Variants in ELFN2 observed in about 807,000 individuals in gnomAD.
ELFN2 encodes the protein protein phosphatase 1 regulatory subunit 29.
In ELFN2, 17 loss-of-function variants were observed where a neutral mutation model predicts 45.5. The ratio of observed to expected loss-of-function variants is 0.37; its 90% CI spans 0.26 to 0.56. The LOEUF (loss-of-function observed/expected upper bound fraction) is 0.56, where lower values mean the gene tolerates loss of function less well. ELFN2 is among the 20% of genes least tolerant of loss of function. The pLI is 0.77. For missense variants in ELFN2, 922 were observed against 1,183.2 expected (o/e 0.78, Z 3.24); for synonymous variants, 550 against 551.5 (o/e 1.00, Z 0.04).
At chr22:37,380,185 G>A (rs1469021646) in intron 2 of ELFN2, among the ~76,000 whole-genome samples, 1 of 152,222 alleles carries the variant, frequency 6.6e-6, no homozygotes, top group South Asian at 2.1e-4. Flanking sequence ...GCGTGTGGGA[G>A]GGGTTGAGGG....
At chr22:37,413,362 C>T (rs1176396313) in intron 2 of ELFN2, among the ~76,000 whole-genome samples, 2 of 151,786 alleles carry the variant, frequency 1.3e-5, no homozygotes, top group Admixed American at 6.6e-5. Context: ...CTCCCAAGAC[C>T]CCACAGCCAG....
Position 37,368,678 on chromosome 22 carries a change from C to A in ELFN2, c.*4394G>T, listed in dbSNP as rs1931270012. ...GGCCAGCCAGGCAAGGCTGCCCTAA[C>A]CTTCACACTGGCTTCCACGGGCAAA... On this transcript the variant is annotated 3_prime_UTR_variant, in exon 3 of 3. Coordinates refer to ENST00000402918, the MANE Select transcript of ELFN2 (RefSeq NM_052906.5). The A allele has an allele frequency of 6.6e-6, 1 of 152,360 alleles. No individual in the cohort carries two copies. Among genetic ancestry groups the A allele is most frequent in the African/African-American group, 2.4e-5 (1 of 41,472 alleles). The allele number at this position is 152,360 out of a possible 1,614,324, so 9.4% of individuals were successfully genotyped here. A position where few individuals can be genotyped will look rare whatever the true frequency, so the allele number is the denominator to read the frequency against.
chr22:37,424,377 T>C (rs9622621), intron 1 of ELFN2, among the ~76,000 whole-genome samples: 5,659 of 152,234 alleles, frequency 0.037, 181 homozygotes, highest in African/African-American at 0.077. Flanking sequence ...TCAGGGGATA[T>C]TGAGGAACAG....
Position 37,374,980 on chromosome 22 carries a change from G to A in ELFN2, c.555C>T (p.Asn185=). ...ASLMVCELAG[N]PFNCECDLFG... is the part of the protein sequence containing the mutation. ...AGAGGTCGCACTCACAGTTGAAGGG[G>A]TTGCCGGCCAGCTCACACACCATCA... The change falls in exon 3 of 3, where the codon AAC becomes AAT. Residue 185 remains asparagine, a synonymous_variant. Coordinates refer to ENST00000402918, the MANE Select transcript of ELFN2 (RefSeq NM_052906.5). 1 of 1,613,396 alleles carries A rather than the reference G, an allele frequency of 6.2e-7. No individual in the cohort carries two copies. Among genetic ancestry groups the A allele is most frequent in the Non-Finnish European group, 8.5e-7 (1 of 1,180,024 alleles).
chr22:37,424,733 C>T (rs2145695480), intron 1 of ELFN2, among the ~76,000 whole-genome samples: 1 of 152,244 alleles, frequency 6.6e-6, no homozygotes, highest in East Asian at 1.9e-4. Context: ...TTCCAGAACT[C>T]AGTTTACTCA....
At chr22:37,344,770 G>A (rs970046360) in intron 1 of ELFN2, among the ~76,000 whole-genome samples, 2 of 152,116 alleles carry the variant, frequency 1.3e-5, no homozygotes, top group African/African-American at 4.8e-5. Flanking sequence ...TCCTGTCCTG[G>A]CACCACCATG....
chr22:37,405,806 AG>A (rs1932484424), intron 2 of ELFN2, among the ~76,000 whole-genome samples: 1 of 147,024 alleles, frequency 6.8e-6, no homozygotes, highest in Non-Finnish European at 1.5e-5. Flanking sequence ...TCTGAGCCCC[AG>A]GTTCCTCCCT....
chr22:37,373,988 C>G lies in ELFN2; in HGVS notation c.1547G>C (p.Arg516Pro), dbSNP rs746549719. The G allele has an allele frequency of 1.9e-6, 3 of 1,612,992 alleles. No homozygotes were observed. Among genetic ancestry groups the G allele is most frequent in the South Asian group, 1.1e-5 (1 of 91,076 alleles). The change falls in exon 3 of 3, where the codon CGG becomes CCG. Residue 516 changes from arginine to proline, a missense_variant. Arg to Pro is a moderately radical substitution (Grantham distance 103). Transcript: ENST00000402918. ...GAGGTCCGGGAGGTCATCCTCGGGC[C>G]GAGCCAGACCGTCCCCGCCGGCGCC... is the stretch of plus-strand genomic sequence containing the variant. ...RTGAGGDGLARPEDDLPDLEN... is the reference protein window; with the variant it reads ...RTGAGGDGLAPPEDDLPDLEN...
Position 37,351,430 on chromosome 22 carries a change from C to T in ELFN2, n.149-8727G>A, listed in dbSNP as rs1289078497. ...CCTAGCCCTGCCCTTCTCCACCTCC[C>T]TCACCTCTCCTCGAGTGACAGGTGC... On this transcript the variant is annotated intron_variant and non_coding_transcript_variant, in intron 1 of 2. Transcript: ENST00000452946. Among the ~76,000 whole-genome samples, 3 of 150,274 alleles carry T rather than the reference C, an allele frequency of 2.0e-5. No homozygotes were observed. In the East Asian group the frequency reaches 5.8e-4, roughly 29 times the overall value.
In ELFN2 at chr22:37,388,977, C is replaced by T. The variant is rs111501686; in HGVS notation, c.-462-12981G>A. On this transcript the variant is annotated intron_variant, in intron 2 of 2. Transcript: ENST00000402918. ...TGGGAGAGGTCACAGAGAATAGGAA[C>T]TCTTTCAGGGGGAGGTAGTGGGAGA... 3.2e-3 allele frequency among the ~76,000 whole-genome samples: 492 copies of T among 152,334 alleles called. 1 individual carries two copies. The highest frequency in any genetic ancestry group is 4.7e-3 in the Non-Finnish European group (322 of 68,026).
At chr22:37,416,811 C>T (rs1394083999) in intron 2 of ELFN2, among the ~76,000 whole-genome samples, 4 of 152,164 alleles carry the variant, frequency 2.6e-5, no homozygotes, top group African/African-American at 9.7e-5. Context: ...GGGGCGCACC[C>T]ACCACCCTGC....
downstream of ELFN2, among the ~76,000 whole-genome samples, chr22:37,363,333 AAG>A (rs1050897049): frequency 1.3e-5 from 2 of 152,156 alleles, no homozygotes; most frequent in African/African-American, 2.4e-5. Flanking sequence ...AGTAAGTGAG[AAG>A]AGAGAGGGGC....
At chr22:37,379,124 A>C (rs1931673482) in intron 2 of ELFN2, among the ~76,000 whole-genome samples, 1 of 152,200 alleles carries the variant, frequency 6.6e-6, no homozygotes, top group Non-Finnish European at 1.5e-5. Flanking sequence ...AAGACAGCCG[A>C]GCAGACAGAC....
rs555143062 is a variant in ELFN2, at chr22:37,383,041, G to A, written c.-462-7045C>T. Among the ~76,000 whole-genome samples, 7 of 152,292 alleles carry A rather than the reference G, an allele frequency of 4.6e-5. No homozygotes were observed. The South Asian group carries it at 1.5e-3, about 32-fold the overall frequency. On this transcript the variant is annotated intron_variant, in intron 2 of 2. Coordinates refer to ENST00000402918, the MANE Select transcript of ELFN2 (RefSeq NM_052906.5). Reference sequence around the variant, plus strand: ...TCACTCTGCTTATCCAAGCTAAACAGCACCACGTCCTCTACCTGCTCTTCC... The same window carrying A: ...TCACTCTGCTTATCCAAGCTAAACAACACCACGTCCTCTACCTGCTCTTCC...
At chr22:37,396,886 A>G (rs1932226797) in intron 2 of ELFN2, among the ~76,000 whole-genome samples, 1 of 152,126 alleles carries the variant, frequency 6.6e-6, no homozygotes, top group Non-Finnish European at 1.5e-5. Flanking sequence ...CCAGCCTCCA[A>G]GTCCATGCCA....
chr22:37,341,146 T>G (rs550524666), intron 2 of ELFN2: 20 of 152,178 alleles, frequency 1.3e-4, no homozygotes, highest in Admixed American at 1.2e-3. Flanking sequence ...GGGGCAGGGG[T>G]CACCATGGAA....
At chr22:37,389,713 G>A (rs369080043) in intron 2 of ELFN2, among the ~76,000 whole-genome samples, 12 of 152,210 alleles carry the variant, frequency 7.9e-5, no homozygotes, top group African/African-American at 2.4e-4. Context: ...TTCTCTCCTG[G>A]TGCTGAGCTG....
chr22:37,379,020 C>A (rs746380526), intron 2 of ELFN2, among the ~76,000 whole-genome samples: 40 of 152,204 alleles, frequency 2.6e-4, no homozygotes, highest in Non-Finnish European at 5.4e-4. Flanking sequence ...GGGGACAGGG[C>A]AGCACCCCAC....
chr22:37,379,935 T>C (rs887014730), intron 2 of ELFN2, among the ~76,000 whole-genome samples: 2 of 152,050 alleles, frequency 1.3e-5, no homozygotes, highest in South Asian at 4.1e-4. Flanking sequence ...CTGCCCCCCC[T>C]CGGAGGGCAA....
Sources: allele counts gnomAD v4.1 joint callset (sites outside exome capture counted in the v4.1 genomes callset), GRCh38; gene constraint gnomAD v4.1.1; transcripts MANE v1.5; gene names NCBI Gene and HGNC (gene_info 2026-07-23, HGNC 2026-07-21).